ALMS1: variants seen among roughly 807,000 people sequenced by gnomAD.
ALMS1 encodes the protein ALMS1 centrosome and basal body associated protein.
In ALMS1, 271 loss-of-function variants were observed where a neutral mutation model predicts 352.2. The ratio of observed to expected loss-of-function variants is 0.77; its 90% CI spans 0.70 to 0.85. The LOEUF (loss-of-function observed/expected upper bound fraction) is 0.85, where lower values mean the gene tolerates loss of function less well. ALMS1 is among the 40% of genes least tolerant of loss of function. ALMS1 has a pLI of 0.00. For missense variants in ALMS1, 5,445 were observed against 4,870.7 expected (o/e 1.12, Z -3.51); for synonymous variants, 1,865 against 1,761.2 (o/e 1.06, Z -1.48).
intron 7 of ALMS1, among the ~76,000 whole-genome samples, chr2:73,435,969 G>A (rs1461355330): frequency 2.6e-5 from 4 of 152,078 alleles, no homozygotes; most frequent in East Asian, 1.9e-4. Flanking sequence ...TGTAGTTACC[G>A]ATGTAGTTAT....
chr2:73,386,097 A>C lies in ALMS1; in HGVS notation c.229A>C (p.Lys77Gln). The C allele has an allele frequency of 6.3e-7, 1 of 1,594,796 alleles. No individual in the cohort carries two copies. Among genetic ancestry groups the C allele is most frequent in the South Asian group, 1.1e-5 (1 of 87,700 alleles). ...AGACGACGAGGAGGACGAGGAGGCC[A>C]AGGCCTGGCTGCAGGCGCACCCCGG... The part of the protein sequence containing the change: ...SIDDEEDEEA[K>Q]AWLQAHPGRI... Residue 77 changes from lysine to glutamine, a missense_variant, in exon 1 of 23, where the codon AAG becomes CAG. By Grantham distance (53) the Lys-to-Gln change is moderately conservative. Transcript: ENST00000613296.
intron 7 of ALMS1, among the ~76,000 whole-genome samples, chr2:73,446,140 G>A (rs1186188191): frequency 6.6e-6 from 1 of 152,046 alleles, no homozygotes; most frequent in African/African-American, 2.4e-5. Context: ...TTAACCTATA[G>A]TCGTTCTTCC....
At chr2:73,479,905 A>G (rs917523857) in intron 9 of ALMS1, among the ~76,000 whole-genome samples, 6 of 152,148 alleles carry the variant, frequency 3.9e-5, no homozygotes, top group African/African-American at 1.2e-4. Context: ...TTTTTATTCT[A>G]GTCATTCTAA....
rs868514425 is a variant in ALMS1, at chr2:73,436,518, A to G, written c.1432+4227A>G. Among the ~76,000 whole-genome samples the G allele has an allele frequency of 3.3e-5, 5 of 152,256 alleles. 1 individual carries two copies. The South Asian group carries it at 1.0e-3, about 32-fold the overall frequency. The stretch of plus-strand genomic sequence containing the variant: ...TATCATCTCTTGCATCACAGTCCAC[A>G]TATATCAGCACCCCTAATCTTGTCT... On this transcript the variant is annotated intron_variant, in intron 7 of 22. Transcript: ENST00000613296.
At chr2:73,605,704 A>G (rs1675801543) in intron 21 of ALMS1, among the ~76,000 whole-genome samples, 1 of 152,134 alleles carries the variant, frequency 6.6e-6, no homozygotes, top group Admixed American at 6.5e-5. Flanking sequence ...TTAGCTGGGC[A>G]TGGTGGTGGG....
intron 21 of ALMS1, among the ~76,000 whole-genome samples, chr2:73,605,512 T>A (rs959359978): frequency 2.6e-5 from 4 of 152,226 alleles, no homozygotes; most frequent in African/African-American, 9.6e-5. Flanking sequence ...GAAAAGTTTA[T>A]GACATGTTTT....
intron 9 of ALMS1, among the ~76,000 whole-genome samples, chr2:73,460,034 G>T (rs994805955): frequency 5.9e-5 from 9 of 151,978 alleles, no homozygotes; most frequent in Non-Finnish European, 2.9e-5. Flanking sequence ...AGTACTACAG[G>T]GTTATTCTAG....
chr2:73,474,405 G>C (rs796087270), intron 9 of ALMS1, among the ~76,000 whole-genome samples: 2,061 of 139,776 alleles, frequency 0.015, 22 homozygotes, highest in East Asian at 0.028. Context: ...GTGTGTGTGT[G>C]TGTGTCTATT....
intron 9 of ALMS1, among the ~76,000 whole-genome samples, chr2:73,464,698 C>CGTT (rs1305991990): frequency 1.3e-5 from 2 of 152,022 alleles, no homozygotes; most frequent in Non-Finnish European, 2.9e-5. Flanking sequence ...TAGAAAACCC[C>CGTT]GTTGTCTCAG....
chr2:73,504,016 G>T (rs1382444434), intron 10 of ALMS1, among the ~76,000 whole-genome samples: 1 of 152,002 alleles, frequency 6.6e-6, no homozygotes, highest in Non-Finnish European at 1.5e-5. Context: ...ATTTTATTCA[G>T]TGAGTTATGA....
rs532224265 is a variant in ALMS1 at position 73,575,586 on chromosome 2, C to T, written c.11547+2162C>T. 2.0e-5 allele frequency among the ~76,000 whole-genome samples: 3 copies of T among 152,250 alleles called. No individual in the cohort carries two copies. The East Asian group carries it at 5.8e-4, about 29-fold the overall frequency. On this transcript the variant is annotated intron_variant, in intron 16 of 22. Transcript: ENST00000613296. ...CCTAGTGATTATTCATGTTGCACAT[C>T]TTTTTATGTGCTTATTTAACCATTT...
chr2:73,486,698 A>G (rs1672855735), intron 9 of ALMS1, among the ~76,000 whole-genome samples: 2 of 152,158 alleles, frequency 1.3e-5, no homozygotes, highest in South Asian at 2.1e-4. Flanking sequence ...TTCTTCTTAC[A>G]TTTGTTTTAT....
chr2:73,430,853 A>G (rs1188901868), intron 6 of ALMS1, among the ~76,000 whole-genome samples: 1 of 152,124 alleles, frequency 6.6e-6, no homozygotes, highest in East Asian at 1.9e-4. Context: ...GAACATACCC[A>G]CATCATTAAG....
chr2:73,486,886 C>G (rs1049508805), intron 9 of ALMS1, among the ~76,000 whole-genome samples: 1 of 151,964 alleles, frequency 6.6e-6, no homozygotes, highest in African/African-American at 2.4e-5. Flanking sequence ...CCAGTCTCTA[C>G]AAAAATAAAA....
At chr2:73,425,590 C>A (rs1388654705) in intron 5 of ALMS1, among the ~76,000 whole-genome samples, 1 of 152,040 alleles carries the variant, frequency 6.6e-6, no homozygotes, top group Non-Finnish European at 1.5e-5. Context: ...GCCTTTGAGG[C>A]AGTTATTGCC....
At chr2:73,538,845 C>T (rs764455346) in intron 12 of ALMS1, among the ~76,000 whole-genome samples, 17 of 152,190 alleles carry the variant, frequency 1.1e-4, no homozygotes, top group Non-Finnish European at 2.1e-4. Context: ...GGATGGGCGC[C>T]CTCCATTGCC....
chr2:73,449,124 A>T lies in ALMS1; in HGVS notation c.2597A>T (p.Lys866Met), dbSNP rs547465619. ...TCTGCGTCCTCTTCACTTGGAGAAAAGCCCAGTGCTTTCTATCAGCAGACC... is the reference window on the plus strand; with the variant it reads ...TCTGCGTCCTCTTCACTTGGAGAAATGCCCAGTGCTTTCTATCAGCAGACC... ...TSSASSSLGE[K>M]PSAFYQQTLP... The change falls in exon 8 of 23, where the codon AAG becomes ATG. Residue 866 changes from lysine (K) to methionine (M), a missense_variant. Coordinates refer to ENST00000613296, the MANE Select transcript of ALMS1 (RefSeq NM_001378454.1). 1 of 1,613,846 alleles carries T rather than the reference A, an allele frequency of 6.2e-7. No individual in the cohort carries two copies. The highest frequency in any genetic ancestry group is 8.5e-7 in the Non-Finnish European group (1 of 1,179,964).
At chr2:73,397,184 C>T (rs1044679645) in intron 1 of ALMS1, among the ~76,000 whole-genome samples, 1 of 152,108 alleles carries the variant, frequency 6.6e-6, no homozygotes, top group South Asian at 2.1e-4. Flanking sequence ...CGCATTGCAC[C>T]TCCAGCAATT....
At chr2:73,517,227 A>AT (rs959016368) in intron 10 of ALMS1, among the ~76,000 whole-genome samples, 14 of 91,116 alleles carry the variant, frequency 1.5e-4, no homozygotes, top group Non-Finnish European at 2.5e-4. Flanking sequence ...TTTTCAAGTG[A>AT]TTTTTTGAAA....
Sources: gnomAD v4.1 joint callset for allele counts (sites outside exome capture counted in the v4.1 genomes callset) on GRCh38, gnomAD v4.1.1 for gene constraint, MANE v1.5 for transcripts, NCBI Gene and HGNC (gene_info 2026-07-23, HGNC 2026-07-21) for gene names.